HCRTR2: variants seen among roughly 807,000 people sequenced by gnomAD.
HCRTR2 encodes hypocretin receptor 2.
Under a neutral mutation model 49.0 loss-of-function variants are expected in HCRTR2, and 22 were observed. The observed-to-expected ratio is 0.45, with a 90% CI of 0.32 to 0.64. The LOEUF (loss-of-function observed/expected upper bound fraction) is 0.64, where lower values mean the gene tolerates loss of function less well. Among genes scored for constraint, HCRTR2 ranks in the 30% least tolerant of loss-of-function variants. The pLI, the probability that HCRTR2 is intolerant of heterozygous loss-of-function variation, is 0.04. For missense variants in HCRTR2, 491 were observed against 559.4 expected (o/e 0.88, Z 1.23); for synonymous variants, 236 against 205.3 (o/e 1.15, Z -1.28).
At chr6:55,143,365 A>G (rs1031608218) in intron 1 of HCRTR2, among the ~76,000 whole-genome samples, 2 of 152,172 alleles carry the variant, frequency 1.3e-5, no homozygotes, top group Non-Finnish European at 2.9e-5. Flanking sequence ...ATGTCAATAC[A>G]ATGTATCCCA....
intron 1 of HCRTR2, among the ~76,000 whole-genome samples, chr6:55,157,582 C>T (rs769521461): frequency 3.9e-5 from 6 of 152,176 alleles, no homozygotes; most frequent in Non-Finnish European, 7.3e-5. Context: ...TAGGCATGAC[C>T]CAGTGCTATG....
At chr6:55,250,814 A>C (rs1439423599) in intron 2 of HCRTR2, among the ~76,000 whole-genome samples, 1 of 152,142 alleles carries the variant, frequency 6.6e-6, no homozygotes, top group African/African-American at 2.4e-5. Flanking sequence ...CTCTGCACAC[A>C]GTGTCCAATC....
intron 1 of HCRTR2, among the ~76,000 whole-genome samples, chr6:55,238,584 A>G (rs919661006): frequency 6.6e-6 from 1 of 152,152 alleles, no homozygotes; most frequent in Non-Finnish European, 1.5e-5. Context: ...ACGCTCACAC[A>G]CATTTTATGA....
chr6:55,143,705 T>A (rs900360735), intron 1 of HCRTR2, among the ~76,000 whole-genome samples: 11 of 152,042 alleles, frequency 7.2e-5, no homozygotes, highest in African/African-American at 1.9e-4. Flanking sequence ...CACAATAATT[T>A]GATGAGGATG....
At position 55,268,006 on chromosome 6, in the gene HCRTR2, A is replaced by T. The variant is rs545209829; in HGVS notation, c.762+4184A>T. 1.8e-4 allele frequency among the ~76,000 whole-genome samples: 27 copies of T among 152,320 alleles called. No homozygotes were observed. The South Asian group carries it at 5.4e-3, about 30-fold the overall frequency. The stretch of plus-strand genomic sequence containing the variant: ...AGAACAACTGCATAAAATAATAGCT[A>T]TAAAATTGTGAAGATTCACCTTATA... On this transcript the variant is annotated intron_variant, in intron 4 of 6. Transcript: ENST00000370862.
At chr6:55,173,921 G>T (rs1383632858), upstream of HCRTR2, among the ~76,000 whole-genome samples, 1 of 152,174 alleles carries the variant, frequency 6.6e-6, no homozygotes, top group Non-Finnish European at 1.5e-5. Flanking sequence ...AAATGTTAAA[G>T]TGTTTGCCTG....
intron 1 of HCRTR2, among the ~76,000 whole-genome samples, chr6:55,242,624 A>AAATCCAATCAC (rs1766357973): frequency 6.6e-6 from 1 of 152,234 alleles, no homozygotes; most frequent in Non-Finnish European, 1.5e-5. Context: ...TAAATTTTAT[A>AAATCCAATCAC]GTCAATTATT....
At chr6:55,122,277 G>T (rs1266713407) in intron 1 of HCRTR2, among the ~76,000 whole-genome samples, 1 of 152,108 alleles carries the variant, frequency 6.6e-6, no homozygotes. Flanking sequence ...TTCTCTGATG[G>T]TAGTTTGTAT....
intron 1 of HCRTR2, among the ~76,000 whole-genome samples, chr6:55,110,662 G>A (rs1764036556): frequency 6.6e-6 from 1 of 151,860 alleles, no homozygotes; most frequent in Non-Finnish European, 1.5e-5. Context: ...AAAAGGTATA[G>A]TGCAACAGGA....
intron 1 of HCRTR2, among the ~76,000 whole-genome samples, chr6:55,201,217 G>A (rs1378795714): frequency 1.3e-5 from 2 of 151,876 alleles, no homozygotes; most frequent in Admixed American, 1.3e-4. Flanking sequence ...TTTTTCTTTG[G>A]TGCCATTTGT....
intron 1 of HCRTR2, among the ~76,000 whole-genome samples, chr6:55,180,965 A>T (rs148221233): frequency 1.4e-5 from 2 of 139,350 alleles, no homozygotes; most frequent in Non-Finnish European, 1.5e-5. Flanking sequence ...ATGCCCAGCT[A>T]TTTTTTTTTT....
intron 1 of HCRTR2, among the ~76,000 whole-genome samples, chr6:55,234,131 A>C (rs1270950465): frequency 6.6e-6 from 1 of 152,228 alleles, no homozygotes; most frequent in Non-Finnish European, 1.5e-5. Context: ...ATAAGGTGAC[A>C]AAGTAGAAAT....
chr6:55,200,877 T>C (rs552883341), intron 1 of HCRTR2, among the ~76,000 whole-genome samples: 96 of 152,310 alleles, frequency 6.3e-4, no homozygotes, highest in African/African-American at 2.2e-3. Flanking sequence ...TATTTCAATA[T>C]TCAATTATAG....
At chr6:55,198,117 C>A (rs1183933809) in intron 1 of HCRTR2, among the ~76,000 whole-genome samples, 2 of 152,094 alleles carry the variant, frequency 1.3e-5, no homozygotes, top group Non-Finnish European at 2.9e-5. Flanking sequence ...TTAACCTTCA[C>A]GAAACTACAT....
intron 4 of HCRTR2, among the ~76,000 whole-genome samples, chr6:55,274,740 T>G (rs1474890834): frequency 6.6e-6 from 1 of 152,156 alleles, no homozygotes; most frequent in Non-Finnish European, 1.5e-5. Flanking sequence ...AGGATTTAAT[T>G]TGATAACATA....
At chr6:55,264,211 T>C (rs910921770) in intron 4 of HCRTR2, among the ~76,000 whole-genome samples, 1 of 152,090 alleles carries the variant, frequency 6.6e-6, no homozygotes, top group Non-Finnish European at 1.5e-5. Flanking sequence ...ACTCTAAGTC[T>C]GAAAGGTTAT....
At chr6:55,195,976 AAACAAC>A (rs145517354) in intron 1 of HCRTR2, among the ~76,000 whole-genome samples, 2,682 of 152,182 alleles carry the variant, frequency 0.018, 70 homozygotes, top group African/African-American at 0.061. Context: ...CGTCTCAATA[AAACAAC>A]AACAACAACA....
At chr6:55,132,747 CTCTCT>C (rs908064919) in intron 1 of HCRTR2, among the ~76,000 whole-genome samples, 19 of 77,804 alleles carry the variant, frequency 2.4e-4, no homozygotes, top group Middle Eastern at 7.6e-3. Flanking sequence ...CCCTCTCTCT[CTCTCT>C]TTTTTTTTTT....
At position 55,253,356 on chromosome 6, in the gene HCRTR2, G is replaced by A. The variant is rs182264324; in HGVS notation, c.403-1780G>A. ...AGAGACTTTCTGCACTGTTGCACTG[G>A]ATCTTAGATCTCTTTCACTCATTTG... is the stretch of plus-strand genomic sequence containing the variant. On this transcript the variant is annotated intron_variant, in intron 2 of 6. Coordinates refer to ENST00000370862, the MANE Select transcript of HCRTR2 (RefSeq NM_001384272.1). 3.3e-5 allele frequency among the ~76,000 whole-genome samples: 5 copies of A among 152,146 alleles called. 1 individual carries two copies. The highest frequency in any genetic ancestry group is 1.2e-4 in the African/African-American group (5 of 41,520).
Sources: gnomAD v4.1 joint callset for allele counts (sites outside exome capture counted in the v4.1 genomes callset) on GRCh38, gnomAD v4.1.1 for gene constraint, MANE v1.5 for transcripts, NCBI Gene and HGNC (gene_info 2026-07-23, HGNC 2026-07-21) for gene names.